Variants in KCNU1 observed in about 807,000 individuals in gnomAD.
KCNU1 encodes potassium calcium-activated channel subfamily U member 1.
KCNU1 carries 93 observed loss-of-function variants against 126.8 expected under a neutral mutation model. The ratio of observed to expected loss-of-function variants is 0.73; its 90% CI spans 0.62 to 0.87. The LOEUF (loss-of-function observed/expected upper bound fraction) is 0.87, where lower values mean the gene tolerates loss of function less well. Among genes scored for constraint, KCNU1 ranks in the 40% least tolerant of loss-of-function variants. The probability of loss-of-function intolerance (pLI) is 0.00; values close to 1 mark genes in which losing one functional copy is unlikely to be tolerated. For synonymous variants in KCNU1, 523 were observed against 494.2 expected (o/e 1.06, Z -0.77); for missense variants, 1,330 against 1,367.1 (o/e 0.97, Z 0.43).
At chr8:36,799,320 T>C (rs1353547947) in intron 2 of KCNU1, among the ~76,000 whole-genome samples, 1 of 152,102 alleles carries the variant, frequency 6.6e-6, no homozygotes, top group African/African-American at 2.4e-5. Context: ...AATTTCGCCA[T>C]GATATGGCTG....
chr8:36,866,868 A>T (rs1020356935), intron 19 of KCNU1, among the ~76,000 whole-genome samples: 16 of 152,150 alleles, frequency 1.1e-4, no homozygotes, highest in Admixed American at 2.6e-4. Context: ...AGAAGAGAAG[A>T]TGTAAAATGC....
intron 16 of KCNU1, among the ~76,000 whole-genome samples, chr8:36,841,978 TAA>T (rs140708191): frequency 4.7e-5 from 7 of 148,804 alleles, no homozygotes; most frequent in African/African-American, 7.4e-5. Flanking sequence ...AAAGATCTGT[TAA>T]AAAAAAAAGA....
At chr8:36,787,690 T>C (rs1237328588) in intron 2 of KCNU1, among the ~76,000 whole-genome samples, 1 of 126,434 alleles carries the variant, frequency 7.9e-6, no homozygotes, top group East Asian at 1.9e-4. Context: ...ATAAATCATA[T>C]GATATGTTGT....
intron 18 of KCNU1, among the ~76,000 whole-genome samples, chr8:36,846,788 G>GAAAAA (rs373337302): frequency 9.1e-6 from 1 of 110,254 alleles, no homozygotes. Context: ...GCGACAGAGC[G>GAAAAA]AAAAAAAAAA....
At chr8:36,934,347 T>C (rs1305807207) in intron 26 of KCNU1, among the ~76,000 whole-genome samples, 1 of 151,970 alleles carries the variant, frequency 6.6e-6, no homozygotes, top group Non-Finnish European at 1.5e-5. Flanking sequence ...AAAATAAGCA[T>C]CGAGGTCTAC....
intron 19 of KCNU1, among the ~76,000 whole-genome samples, chr8:36,902,961 G>A (rs1455111790): frequency 6.6e-6 from 1 of 152,124 alleles, no homozygotes; most frequent in East Asian, 1.9e-4. Flanking sequence ...ATGTTACATT[G>A]TCTAGCTAGG....
intron 10 of KCNU1, among the ~76,000 whole-genome samples, chr8:36,830,924 A>T (rs1223849055): frequency 3.8e-5 from 4 of 105,434 alleles, no homozygotes; most frequent in African/African-American, 7.6e-5. Context: ...CCACCCCACA[A>T]CAGTCCCCAG....
At chr8:36,855,691 C>T (rs1298265370) in intron 18 of KCNU1, among the ~76,000 whole-genome samples, 2 of 152,058 alleles carry the variant, frequency 1.3e-5, no homozygotes, top group Admixed American at 6.6e-5. Context: ...AAATAATTCT[C>T]ACAAGTTTTG....
At chr8:36,869,430 C>T (rs900326114) in intron 19 of KCNU1, among the ~76,000 whole-genome samples, 1 of 152,136 alleles carries the variant, frequency 6.6e-6, no homozygotes, top group Non-Finnish European at 1.5e-5. Flanking sequence ...TTAATGGTAT[C>T]TATGAATGAG....
At position 36,911,580 on chromosome 8, in the gene KCNU1, G is replaced by A. The variant is rs182272409; in HGVS notation, c.2521+461G>A. Among the ~76,000 whole-genome samples, 5 of 152,186 alleles carry A rather than the reference G, an allele frequency of 3.3e-5. No homozygotes were observed. In the East Asian group the frequency reaches 9.7e-4, roughly 29 times the overall value. On this transcript the variant is annotated intron_variant, in intron 22 of 26. Coordinates refer to ENST00000399881, the MANE Select transcript of KCNU1 (RefSeq NM_001031836.3). Reference sequence around the variant, plus strand: ...ACCATGATTCTCTTTTACTTTTTGAGATGATTTCAGTATATGAATTTTAGA... The same window carrying A: ...ACCATGATTCTCTTTTACTTTTTGAAATGATTTCAGTATATGAATTTTAGA...
intron 23 of KCNU1, 135 bp downstream of exon 23, chr8:36,919,032 C>A: frequency 1.6e-6 from 1 of 643,372 alleles, no homozygotes; most frequent in South Asian, 1.9e-5. Flanking sequence ...AAGTGCTTGC[C>A]CGGATGTTAC....
At chr8:36,909,572 G>A in intron 21 of KCNU1, 37 bp downstream of exon 21, 1 of 1,167,716 alleles carries the variant, frequency 8.6e-7, no homozygotes, top group Non-Finnish European at 1.3e-6. Context: ...TATTTATAAG[G>A]ATTTCAATAT....
chr8:36,786,991 G>A (rs766540025), intron 1 of KCNU1, among the ~76,000 whole-genome samples: 1 of 152,126 alleles, frequency 6.6e-6, no homozygotes, highest in Non-Finnish European at 1.5e-5. Context: ...AGCAGAAGGA[G>A]GCATGATGCT....
chr8:36,846,894 TC>T (rs1211275058), intron 18 of KCNU1, among the ~76,000 whole-genome samples: 1 of 152,202 alleles, frequency 6.6e-6, no homozygotes, highest in African/African-American at 2.4e-5. Context: ...ATATGAATTT[TC>T]TATCAGGTCT....
At chr8:36,851,373 TTCTCTCTCTCTCTA>T (rs941926399) in intron 18 of KCNU1, among the ~76,000 whole-genome samples, 6 of 140,382 alleles carry the variant, frequency 4.3e-5, no homozygotes, top group African/African-American at 1.6e-4. Context: ...GGCACTTCCC[TTCTCTCTCTCTCTA>T]TCTCTCTCTC....
chr8:36,821,512 C>T (rs1804123969), intron 10 of KCNU1, among the ~76,000 whole-genome samples: 1 of 152,098 alleles, frequency 6.6e-6, no homozygotes, highest in South Asian at 2.1e-4. Context: ...CCATCCAGGT[C>T]TAGGCCTAAT....
chr8:36,898,386 A>C (rs978529437), intron 19 of KCNU1, among the ~76,000 whole-genome samples: 2 of 151,876 alleles, frequency 1.3e-5, no homozygotes, highest in African/African-American at 4.8e-5. Context: ...GGGGGTTATT[A>C]ATGTTAATAA....
intron 18 of KCNU1, among the ~76,000 whole-genome samples, chr8:36,853,407 T>A (rs189499854): frequency 6.6e-5 from 10 of 152,300 alleles, no homozygotes; most frequent in Non-Finnish European, 1.2e-4. Context: ...TCTAAGCACC[T>A]TTAGAAGCAT....
chr8:36,814,181 T>A, intron 7 of KCNU1, 26 bp from the exon 8 acceptor site: 1 of 1,594,624 alleles, frequency 6.3e-7, no homozygotes, highest in Non-Finnish European at 8.6e-7. Context: ...ATTCAGATGT[T>A]TCCTGAGTCT....
Sources: gnomAD v4.1 joint callset for allele counts (sites outside exome capture counted in the v4.1 genomes callset) on GRCh38, gnomAD v4.1.1 for gene constraint, MANE v1.5 for transcripts, NCBI Gene and HGNC (gene_info 2026-07-23, HGNC 2026-07-21) for gene names.